ASMTL: variants seen among roughly 807,000 people sequenced by gnomAD.
ASMTL encodes acetylserotonin O-methyltransferase like.
In ASMTL, 57 loss-of-function variants were observed where a neutral mutation model predicts 60.3. That is an observed-to-expected ratio of 0.95 (90% CI 0.76 to 1.18). The LOEUF is 1.18. Among genes scored for constraint, ASMTL ranks in the 50% most tolerant of loss-of-function variants. The pLI is 0.00. For synonymous variants in ASMTL, 419 were observed against 373.0 expected, an observed-to-expected ratio of 1.12 and a Z score of -1.42; for missense variants, 981 against 852.6, an observed-to-expected ratio of 1.15 and a Z score of -1.88.
intron 6 of ASMTL, among the ~76,000 whole-genome samples, chrX:1,431,326 TA>T (rs1603451299): frequency 7.6e-6 from 1 of 131,590 alleles, no homozygotes; most frequent in East Asian, 2.2e-4. Context: ...ATTTTATATA[TA>T]ATTATAAATA....
At chrX:1,453,431 C>G (rs2091445768), upstream of ASMTL, among the ~76,000 whole-genome samples, 1 of 151,746 alleles carries the variant, frequency 6.6e-6, no homozygotes. Context: ...GCCCCCGGCG[C>G]TCGCCCCGCC....
chrX:1,415,106 A>C (rs757698960), intron 11 of ASMTL, among the ~76,000 whole-genome samples: 16 of 148,786 alleles, frequency 1.1e-4, no homozygotes, highest in Non-Finnish European at 2.1e-4. Context: ...ATGCCTGGCT[A>C]ATTTCTGTAA....
At chrX:1,416,965 C>G (rs1264331697) in intron 11 of ASMTL, among the ~76,000 whole-genome samples, 1 of 151,788 alleles carries the variant, frequency 6.6e-6, no homozygotes, top group Admixed American at 6.6e-5. Context: ...TTCTGACGTA[C>G]AGACACGCAT....
Position 1,425,593 on chromosome X carries a change from G to C in ASMTL, c.992C>G (p.Ser331Cys), listed in dbSNP as rs1164741098. Reference protein sequence around the residue: ...AADIASKVDASACGMERLLDI... With the variant: ...AADIASKVDACACGMERLLDI... ...CAGAAGCCTCTCCATTCCACACGCAGAGGCGTCCACTTTGCTGGCAATATC... is the reference window on the plus strand; with the variant it reads ...CAGAAGCCTCTCCATTCCACACGCACAGGCGTCCACTTTGCTGGCAATATC... The change falls in exon 8 of 13, where the codon TCT becomes TGT. Residue 331 changes from serine to cysteine, a missense_variant. Transcript: ENST00000381317. 6.2e-7 allele frequency: 1 copy of C among 1,613,680 alleles called. No homozygotes were observed. Among genetic ancestry groups the C allele is most frequent in the Non-Finnish European group, 8.5e-7 (1 of 1,179,832 alleles).
chrX:1,403,305 GA>G lies in ASMTL; in HGVS notation c.1829del (p.Val610AlafsTer21). ...CTTTGGTGGCCAAGATGGCATCCAG[GA>G]CACCCCCCAAGTGCACCACCTGCAC... is the stretch of plus-strand genomic sequence containing the variant. ...HQVQVVHLGGVLDAILATKVA... is the reference protein window; with the variant it reads ...HQVQVVHLGGXLDAILATKVA... On this transcript the variant is annotated frameshift_variant, in exon 13 of 13. Coordinates refer to ENST00000381317, the MANE Select transcript of ASMTL (RefSeq NM_004192.4). LOFTEE classifies it high-confidence loss of function. 6.2e-7 allele frequency: 1 copy of G among 1,613,150 alleles called. No individual in the cohort carries two copies. Among genetic ancestry groups the G allele is most frequent in the South Asian group, 1.1e-5 (1 of 91,076 alleles).
In ASMTL at chrX:1,424,926, C is replaced by T. The variant is rs191989709; in HGVS notation, c.1060+599G>A. Among the ~76,000 whole-genome samples, 511 of 104,176 alleles carry T rather than the reference C, an allele frequency of 4.9e-3. 3 individuals carry two copies. The highest frequency in any genetic ancestry group is 0.015 in the African/African-American group (477 of 32,844). 68.3% of individuals were successfully genotyped at this position (104,176 alleles called of 152,430 possible). On this transcript the variant is annotated intron_variant, in intron 8 of 12. Transcript: ENST00000381317. ...TCCACCTTCCCATCCATGTATCTATCCATCCATTGATCAATCCATCTGTCC... is the reference window on the plus strand; with the variant it reads ...TCCACCTTCCCATCCATGTATCTATTCATCCATTGATCAATCCATCTGTCC...
chrX:1,404,594 TGATA>T (rs1192962918), intron 12 of ASMTL, among the ~76,000 whole-genome samples: 3 of 150,874 alleles, frequency 2.0e-5, no homozygotes, highest in South Asian at 2.1e-4. Context: ...GGTGTATAGA[TGATA>T]GATGATGGGT....
chrX:1,434,296 T>C lies in ASMTL; in HGVS notation c.400+726A>G, dbSNP rs140026032. Reference sequence around the variant, plus strand: ...CTTCAGCCCAGGAGTTCGAGACCAGTCTGGGCAACATAGCAAGACCGCACC... The same window carrying C: ...CTTCAGCCCAGGAGTTCGAGACCAGCCTGGGCAACATAGCAAGACCGCACC... On this transcript the variant is annotated intron_variant, in intron 5 of 12. Coordinates refer to ENST00000381317, the MANE Select transcript of ASMTL (RefSeq NM_004192.4). Among the ~76,000 whole-genome samples the C allele has an allele frequency of 3.5e-4, 53 of 149,530 alleles. 1 individual carries two copies. The East Asian group carries it at 0.01, about 29-fold the overall frequency.
intron 11 of ASMTL, among the ~76,000 whole-genome samples, chrX:1,416,470 C>CAG (rs2090270637): frequency 1.3e-5 from 2 of 151,672 alleles, no homozygotes; most frequent in Non-Finnish European, 2.9e-5. Flanking sequence ...CACGCAGACA[C>CAG]ACATGGACAT....
At chrX:1,416,669 C>A (rs1311004638) in intron 11 of ASMTL, among the ~76,000 whole-genome samples, 2 of 151,698 alleles carry the variant, frequency 1.3e-5, no homozygotes, top group Non-Finnish European at 2.9e-5. Flanking sequence ...GAGAGTTGCA[C>A]ACACACAAAC....
At chrX:1,413,194 C>A in intron 11 of ASMTL, 1 of 268,640 alleles carries the variant, frequency 3.7e-6, no homozygotes. Context: ...GAAACCCCAT[C>A]TCTACTAAAA....
At position 1,417,956 on chromosome X, in the gene ASMTL, A is replaced by G. The variant is rs776085792; in HGVS notation, c.1522+17T>C. The G allele has an allele frequency of 1.1e-5, 17 of 1,593,726 alleles. No homozygotes were observed. Among genetic ancestry groups the G allele is most frequent in the Non-Finnish European group, 1.5e-5 (17 of 1,166,520 alleles). On this transcript the variant is annotated intron_variant, in intron 11 of 12. Coordinates refer to ENST00000381317, the MANE Select transcript of ASMTL (RefSeq NM_004192.4). ...AGTCTGGAAAAGGTTAGCAGGGTGA[A>G]CAGGAGGAGGGCTCACCTGCTGCGA...
chrX:1,416,540 C>T (rs6644865), intron 11 of ASMTL, among the ~76,000 whole-genome samples: 101,900 of 149,698 alleles, frequency 0.68, 35,089 homozygotes, highest in South Asian at 0.84. Context: ...GGCACACGCA[C>T]GGACACACAG....
rs749742708 is a variant in ASMTL, at chrX:1,421,077, A to G, written c.1245+581T>C. Among the ~76,000 whole-genome samples, 497 of 151,526 alleles carry G rather than the reference A, an allele frequency of 3.3e-3. 3 individuals carry two copies. The highest frequency in any genetic ancestry group is 0.013 in the South Asian group (63 of 4,802). On this transcript the variant is annotated intron_variant, in intron 9 of 12. Coordinates refer to ENST00000381317, the MANE Select transcript of ASMTL (RefSeq NM_004192.4). The stretch of plus-strand genomic sequence containing the variant: ...CGGGTTCAAGTGATTCTCCTGCCTC[A>G]GCCTCTTGAGTAGCTGGGACTACAG...
At chrX:1,444,288 A>G (rs188691201) in intron 1 of ASMTL, among the ~76,000 whole-genome samples, 96 of 150,514 alleles carry the variant, frequency 6.4e-4, no homozygotes, top group South Asian at 5.7e-3. Flanking sequence ...GGCTCACTGC[A>G]AGCTCCATCT....
chrX:1,432,415 A>C (rs777235761), intron 5 of ASMTL, 38 bp from the exon 6 acceptor site: 1 of 1,534,034 alleles, frequency 6.5e-7, no homozygotes, highest in East Asian at 2.3e-5. Context: ...CGTGGACGCC[A>C]GCTTGTCACC....
At chrX:1,412,058 C>A (rs1423953071) in intron 12 of ASMTL, among the ~76,000 whole-genome samples, 1 of 151,804 alleles carries the variant, frequency 6.6e-6, no homozygotes, top group Non-Finnish European at 1.5e-5. Context: ...CTCAGGTGAT[C>A]CGCCCGCCTC....
chrX:1,403,420 T>G lies in ASMTL; in HGVS notation c.1715A>C (p.Gln572Pro). ...AGTCTGCACCAGCATGTTCAGTGAC[T>G]GCATCAGGGCGCGCTGCGCCACCCT... Reference protein sequence around the residue: ...EKRVAQRALMQSLNMLVQTEG... With the variant: ...EKRVAQRALMPSLNMLVQTEG... The change falls in exon 13 of 13, where the codon CAG becomes CCG. Residue 572 changes from glutamine to proline, a missense_variant. By Grantham distance (76) the Gln-to-Pro change is moderately conservative. Transcript: ENST00000381317. 2 of 1,613,386 alleles carry G rather than the reference T, an allele frequency of 1.2e-6. No homozygotes were observed. The highest frequency in any genetic ancestry group is 1.7e-6 in the Non-Finnish European group (2 of 1,179,860).
At chrX:1,435,200 G>T (rs761975352) in intron 4 of ASMTL, 117 bp from the exon 5 acceptor site, 2 of 1,071,424 alleles carry the variant, frequency 1.9e-6, no homozygotes, top group African/African-American at 1.5e-5. Context: ...TCCGTCCCCA[G>T]CATCTTCTCC....
Sources: gnomAD v4.1 joint callset for allele counts (sites outside exome capture counted in the v4.1 genomes callset) on GRCh38, gnomAD v4.1.1 for gene constraint, MANE v1.5 for transcripts, NCBI Gene and HGNC (gene_info 2026-07-23, HGNC 2026-07-21) for gene names.